Variants in SMCHD1 observed in about 807,000 individuals in gnomAD.
SMCHD1 encodes the protein structural maintenance of chromosomes flexible hinge domain-containing protein 1.
A neutral mutation model predicts 254.7 loss-of-function variants in SMCHD1; 78 were observed. That is an observed-to-expected ratio of 0.31 (90% confidence interval 0.26 to 0.37). The LOEUF is 0.37. Ranked by LOEUF, SMCHD1 falls within the 10% of genes least tolerant of loss-of-function variation. The pLI, the probability that SMCHD1 is intolerant of heterozygous loss-of-function variation, is 1.00. For missense variants in SMCHD1, 1,840 were observed against 2,408.1 expected (o/e 0.76, Z 4.94); for synonymous variants, 766 against 794.9 (o/e 0.96, Z 0.61).
At chr18:2,742,276 C>T (rs184088637) in intron 28 of SMCHD1, among the ~76,000 whole-genome samples, 4 of 152,228 alleles carry the variant, frequency 2.6e-5, no homozygotes, top group African/African-American at 7.2e-5. Context: ...CTGTAATTGA[C>T]GTATACTATC....
At chr18:2,679,369 G>A (rs1192496367) in intron 5 of SMCHD1, among the ~76,000 whole-genome samples, 4 of 148,702 alleles carry the variant, frequency 2.7e-5, no homozygotes, top group Admixed American at 1.3e-4. Context: ...CCAGCTACTC[G>A]GGAGGTTGAG....
intron 3 of SMCHD1, among the ~76,000 whole-genome samples, chr18:2,670,229 CT>C (rs1313655618): frequency 1.3e-5 from 2 of 152,090 alleles, no homozygotes; most frequent in Non-Finnish European, 2.9e-5. Context: ...ACCTTTCTTA[CT>C]TTTTCACTCC....
intron 34 of SMCHD1, among the ~76,000 whole-genome samples, chr18:2,759,207 T>C (rs2075736133): frequency 6.6e-6 from 1 of 152,318 alleles, no homozygotes; most frequent in South Asian, 2.1e-4. Context: ...TTTATAGAAA[T>C]AATTGGATAT....
intron 36 of SMCHD1, among the ~76,000 whole-genome samples, chr18:2,762,510 T>G (rs911370672): frequency 0.011 from 1,712 of 150,312 alleles, 25 homozygotes; most frequent in African/African-American, 0.04. Context: ...TTTTTTTTTT[T>G]TGAGACAGGG....
intron 45 of SMCHD1, among the ~76,000 whole-genome samples, chr18:2,789,875 A>G (rs2076292672): frequency 6.6e-6 from 1 of 152,230 alleles, no homozygotes; most frequent in Non-Finnish European, 1.5e-5. Flanking sequence ...TAGACAGAAG[A>G]GAAAAAGAGA....
chr18:2,674,416 ACT>A (rs2073693582), intron 5 of SMCHD1, among the ~76,000 whole-genome samples: 1 of 152,020 alleles, frequency 6.6e-6, no homozygotes, highest in African/African-American at 2.4e-5. Context: ...CCCTTTCCTA[ACT>A]CTGTATAGCC....
At chr18:2,759,483 C>T (rs996219439) in intron 34 of SMCHD1, among the ~76,000 whole-genome samples, 1 of 104,150 alleles carries the variant, frequency 9.6e-6, no homozygotes, top group Non-Finnish European at 1.8e-5. Context: ...CTAACATTTT[C>T]AAGCAATTTT....
At chr18:2,735,121 A>G (rs2075223395) in intron 25 of SMCHD1, among the ~76,000 whole-genome samples, 1 of 152,148 alleles carries the variant, frequency 6.6e-6, no homozygotes, top group South Asian at 2.1e-4. Flanking sequence ...TTTGAGATTC[A>G]GGGTTGAACC....
At chr18:2,664,484 A>T (rs771546884) in intron 1 of SMCHD1, among the ~76,000 whole-genome samples, 1 of 152,052 alleles carries the variant, frequency 6.6e-6, no homozygotes. Context: ...AATATTCCAC[A>T]TTATGGATTT....
intron 5 of SMCHD1, among the ~76,000 whole-genome samples, chr18:2,685,756 T>C (rs1370075400): frequency 2.6e-5 from 4 of 152,222 alleles, no homozygotes; most frequent in Non-Finnish European, 5.9e-5. Context: ...TCACTTAGCA[T>C]AATTTTCGAG....
chr18:2,658,846 A>G (rs889485212), intron 1 of SMCHD1, among the ~76,000 whole-genome samples: 1 of 151,012 alleles, frequency 6.6e-6, no homozygotes, highest in Non-Finnish European at 1.5e-5. Context: ...ATATATATGT[A>G]TATGTATATA....
At position 2,714,849 on chromosome 18, in the gene SMCHD1, CT is replaced by C. The variant is rs1253055793; in HGVS notation, c.2261-3308del. On this transcript the variant is annotated intron_variant, in intron 17 of 47. Coordinates refer to ENST00000320876, the MANE Select transcript of SMCHD1 (RefSeq NM_015295.3). Reference sequence around the variant, plus strand: ...CAAGATTTGTGGTTGACAGTCCCCCCTGCCCCCTACCCCCAGCACTTTGAAA... The same window carrying C: ...CAAGATTTGTGGTTGACAGTCCCCCCGCCCCCTACCCCCAGCACTTTGAAA... Among the ~76,000 whole-genome samples, 5 of 152,188 alleles carry C rather than the reference CT, an allele frequency of 3.3e-5. No homozygotes were observed. The South Asian group carries it at 6.2e-4, about 19-fold the overall frequency.
rs752860491 is a variant in SMCHD1, at chr18:2,724,879, A to G, written c.2604-20A>G. 3 of 1,492,748 alleles carry G rather than the reference A, an allele frequency of 2.0e-6. No individual in the cohort carries two copies. Among genetic ancestry groups the G allele is most frequent in the African/African-American group, 2.7e-5 (2 of 72,876 alleles). The allele number at this position is 1,492,748 out of a possible 1,614,324, so 92.5% of individuals were successfully genotyped here. On this transcript the variant is annotated intron_variant, in intron 20 of 47. Coordinates refer to ENST00000320876, the MANE Select transcript of SMCHD1 (RefSeq NM_015295.3). ...TTGTAGGCAATTGAGGGGAGTTAAA[A>G]AATAATTTTTTTTCCCCAGTGGTTT... is the stretch of plus-strand genomic sequence containing the variant.
chr18:2,728,951 G>A (rs200788389), intron 23 of SMCHD1: 29 of 168,264 alleles, frequency 1.7e-4, no homozygotes, highest in East Asian at 5.8e-4. Flanking sequence ...TTACTTTAGG[G>A]AAAAAAAAAA....
intron 47 of SMCHD1, among the ~76,000 whole-genome samples, chr18:2,800,115 A>G: frequency 6.6e-6 from 1 of 152,066 alleles, no homozygotes; most frequent in East Asian, 1.9e-4. Context: ...AGTCTGCCTG[A>G]TTTAGCCCCA....
chr18:2,799,536 A>G (rs900504404), intron 47 of SMCHD1, among the ~76,000 whole-genome samples: 4 of 152,042 alleles, frequency 2.6e-5, no homozygotes, highest in African/African-American at 9.7e-5. Flanking sequence ...GACTATGTAA[A>G]TATTGTTCAG....
chr18:2,660,250 G>C (rs879300564), intron 1 of SMCHD1, among the ~76,000 whole-genome samples: 1 of 152,122 alleles, frequency 6.6e-6, no homozygotes, highest in South Asian at 2.1e-4. Context: ...ACTTGAACCC[G>C]GGAGTCGGAA....
chr18:2,721,452 A>G (rs1009478963), intron 19 of SMCHD1, among the ~76,000 whole-genome samples: 1 of 152,230 alleles, frequency 6.6e-6, no homozygotes, highest in Non-Finnish European at 1.5e-5. Flanking sequence ...CCTGTGGAAC[A>G]TATTTTCATA....
chr18:2,698,605 C>G (rs937647029), intron 10 of SMCHD1, among the ~76,000 whole-genome samples: 2 of 152,090 alleles, frequency 1.3e-5, no homozygotes, highest in Non-Finnish European at 2.9e-5. Flanking sequence ...TGGCCTGAAA[C>G]AATCCTCCTG....
Sources: allele counts gnomAD v4.1 joint callset (sites outside exome capture counted in the v4.1 genomes callset), GRCh38; gene constraint gnomAD v4.1.1; transcripts MANE v1.5; gene names NCBI Gene and HGNC (gene_info 2026-07-23, HGNC 2026-07-21).